Variants in PITPNC1 observed in about 807,000 individuals in gnomAD.
The protein encoded by PITPNC1 is cytoplasmic phosphatidylinositol transfer protein 1.
In PITPNC1, 18 loss-of-function variants were observed where a neutral mutation model predicts 44.7. The observed-to-expected ratio is 0.40, with a 90% CI of 0.28 to 0.60. The LOEUF (loss-of-function observed/expected upper bound fraction) is 0.60. Ranked by LOEUF, PITPNC1 falls within the 20% of genes least tolerant of loss-of-function variation. The probability of loss-of-function intolerance (pLI) is 0.39; values close to 1 mark genes in which losing one functional copy is unlikely to be tolerated. For missense variants in PITPNC1, 290 were observed against 418.4 expected (o/e 0.69, Z 2.68); for synonymous variants, 141 against 149.6 (o/e 0.94, Z 0.42).
chr17:67,540,067 T>C (rs1042738734), intron 2 of PITPNC1, among the ~76,000 whole-genome samples: 1 of 126,532 alleles, frequency 7.9e-6, no homozygotes, highest in African/African-American at 3.1e-5. Flanking sequence ...CTGTATCTAC[T>C]ACATTTTATT....
intron 1 of PITPNC1, among the ~76,000 whole-genome samples, chr17:67,482,053 C>G (rs1388578291): frequency 6.6e-6 from 1 of 152,066 alleles, no homozygotes; most frequent in African/African-American, 2.4e-5. Context: ...GGTAGCGTGA[C>G]CTCCCCTTAC....
intron 5 of PITPNC1, among the ~76,000 whole-genome samples, chr17:67,623,805 G>A (rs903269137): frequency 1.3e-5 from 2 of 152,182 alleles, no homozygotes; most frequent in African/African-American, 2.4e-5. Context: ...AAGAGCTGCA[G>A]AATTCATGAT....
chr17:67,575,013 A>G (rs756806737), intron 4 of PITPNC1, among the ~76,000 whole-genome samples: 5 of 152,018 alleles, frequency 3.3e-5, no homozygotes, highest in Non-Finnish European at 7.4e-5. Context: ...TAATACGCAA[A>G]TGCTAAAATT....
intron 5 of PITPNC1, among the ~76,000 whole-genome samples, chr17:67,599,038 T>A (rs867867765): frequency 0.019 from 1,031 of 54,418 alleles, 40 homozygotes; most frequent in African/African-American, 0.047. Flanking sequence ...ATATATATTT[T>A]TTTTTTTTTT....
At chr17:67,408,538 C>CAAAA (rs774274464) in intron 1 of PITPNC1, among the ~76,000 whole-genome samples, 1 of 151,200 alleles carries the variant, frequency 6.6e-6, no homozygotes, top group East Asian at 1.9e-4. Flanking sequence ...TCAAAACAAA[C>CAAAA]AAAAAAAAAG....
chr17:67,465,680 G>C (rs747551342), intron 1 of PITPNC1, among the ~76,000 whole-genome samples: 1 of 152,080 alleles, frequency 6.6e-6, no homozygotes, highest in Non-Finnish European at 1.5e-5. Context: ...TCTGATGTTC[G>C]GGGCTTTAGC....
intron 1 of PITPNC1, among the ~76,000 whole-genome samples, chr17:67,390,323 G>A (rs188346890): frequency 3.3e-4 from 50 of 152,266 alleles, no homozygotes; most frequent in African/African-American, 1.1e-3. Context: ...GGGCTGCAGG[G>A]GTCTGTGGAA....
chr17:67,526,246 G>A (rs1338163107), intron 1 of PITPNC1, among the ~76,000 whole-genome samples: 1 of 152,194 alleles, frequency 6.6e-6, no homozygotes, highest in Non-Finnish European at 1.5e-5. Context: ...GAAACTCTGG[G>A]ACGCAGCAGT....
intron 1 of PITPNC1, among the ~76,000 whole-genome samples, chr17:67,380,058 T>C (rs960890755): frequency 6.6e-6 from 1 of 151,150 alleles, no homozygotes; most frequent in African/African-American, 2.4e-5. Flanking sequence ...CCTTCCTTCC[T>C]TTTTTTTGTC....
At chr17:67,657,190 G>A (rs972324490) in intron 6 of PITPNC1, among the ~76,000 whole-genome samples, 2 of 141,332 alleles carry the variant, frequency 1.4e-5, no homozygotes, top group African/African-American at 5.2e-5. Context: ...GTTTTGTTTT[G>A]TTTTTGGCTC....
chr17:67,511,729 G>A (rs181928993), intron 1 of PITPNC1, among the ~76,000 whole-genome samples: 46 of 152,162 alleles, frequency 3.0e-4, no homozygotes, highest in African/African-American at 8.0e-4. Flanking sequence ...AGCTGGTCTC[G>A]AACTCCTGAC....
At chr17:67,557,589 A>G (rs2040854952) in intron 4 of PITPNC1, among the ~76,000 whole-genome samples, 1 of 151,884 alleles carries the variant, frequency 6.6e-6, no homozygotes, top group Admixed American at 6.6e-5. Flanking sequence ...TGACAAGGGG[A>G]TCCGGATTTT....
At chr17:67,526,025 G>A (rs560626176) in intron 1 of PITPNC1, among the ~76,000 whole-genome samples, 4 of 152,342 alleles carry the variant, frequency 2.6e-5, no homozygotes, top group Non-Finnish European at 5.9e-5. Flanking sequence ...GGGGCCTTGA[G>A]GTCCCCAGGC....
chr17:67,569,885 G>C (rs909848943), intron 4 of PITPNC1, among the ~76,000 whole-genome samples: 7 of 152,106 alleles, frequency 4.6e-5, no homozygotes, highest in South Asian at 2.1e-4. Context: ...CTTTAGTCAA[G>C]AAGAGGGAGA....
chr17:67,505,545 T>C (rs539611546), intron 1 of PITPNC1, among the ~76,000 whole-genome samples: 1 of 152,232 alleles, frequency 6.6e-6, no homozygotes, highest in South Asian at 2.1e-4. Context: ...TCCAGCTTTC[T>C]TATGGTTTAC....
chr17:67,397,109 T>C (rs2038231521), intron 1 of PITPNC1, among the ~76,000 whole-genome samples: 1 of 152,122 alleles, frequency 6.6e-6, no homozygotes, highest in Non-Finnish European at 1.5e-5. Flanking sequence ...GCCTCCCAAG[T>C]AGCTGGGATT....
chr17:67,399,624 C>T (rs1056887758), intron 1 of PITPNC1, among the ~76,000 whole-genome samples: 4 of 152,158 alleles, frequency 2.6e-5, no homozygotes, highest in Non-Finnish European at 2.9e-5. Flanking sequence ...AAAGAATGTG[C>T]ATTAAAATGA....
In PITPNC1 at chr17:67,460,267, G is replaced by A. The variant is rs1598693862; in HGVS notation, c.49-72535G>A. 4.6e-5 allele frequency among the ~76,000 whole-genome samples: 7 copies of A among 152,080 alleles called. 1 individual carries two copies. The South Asian group carries it at 1.2e-3, about 27-fold the overall frequency. ...GTGGCTAAGCAGTTTAAGGCATCAG[G>A]GTGTTCTCCCAGCGCGGGCACTCAC... On this transcript the variant is annotated intron_variant, in intron 1 of 8. Coordinates refer to ENST00000581322, the MANE Select transcript of PITPNC1 (RefSeq NM_012417.4).
chr17:67,566,355 C>T (rs1012807951), intron 4 of PITPNC1, among the ~76,000 whole-genome samples: 46 of 152,214 alleles, frequency 3.0e-4, no homozygotes, highest in Middle Eastern at 6.8e-3. Context: ...AGGCGTGCAC[C>T]ACCATGCCCA....
Sources: allele counts gnomAD v4.1 joint callset (sites outside exome capture counted in the v4.1 genomes callset), GRCh38; gene constraint gnomAD v4.1.1; transcripts MANE v1.5; gene names NCBI Gene and HGNC (gene_info 2026-07-23, HGNC 2026-07-21).